DNAI7: variants seen among roughly 807,000 people sequenced by gnomAD.
DNAI7 encodes the protein dynein axonemal intermediate chain 7, also known as cancer susceptibility 1.
A neutral mutation model predicts 86.6 loss-of-function variants in DNAI7; 78 were observed. The observed-to-expected ratio is 0.90, with a 90% CI of 0.75 to 1.09. The LOEUF is 1.09. Among genes scored for constraint, DNAI7 ranks in the 50% least tolerant of loss-of-function variants. The pLI, the probability that DNAI7 is intolerant of heterozygous loss-of-function variation, is 0.00. For missense variants in DNAI7, 753 were observed against 810.2 expected (o/e 0.93, Z 0.86); for synonymous variants, 274 against 273.0 (o/e 1.00, Z -0.04).
chr12:25,107,081 T>C (rs1949213346), downstream of DNAI7: 3 of 1,264,060 alleles, frequency 2.4e-6, no homozygotes, highest in Non-Finnish European at 3.4e-6. Context: ...ATTCTACCAT[T>C]TTAGTGGAAT....
intron 9 of DNAI7, among the ~76,000 whole-genome samples, chr12:25,127,292 A>C (rs1464411413): frequency 6.6e-6 from 1 of 152,002 alleles, no homozygotes; most frequent in Non-Finnish European, 1.5e-5. Context: ...CTTTATATAT[A>C]ATAATAATAA....
chr12:25,113,312 TTG>T (rs1471085749), intron 13 of DNAI7, among the ~76,000 whole-genome samples: 2 of 148,328 alleles, frequency 1.3e-5, no homozygotes. Context: ...GTTGTTGTTG[TTG>T]TTTTTGAGAT....
chr12:25,166,413 A>G (rs1263249648), intron 2 of DNAI7, among the ~76,000 whole-genome samples: 1 of 152,010 alleles, frequency 6.6e-6, no homozygotes, highest in Non-Finnish European at 1.5e-5. Flanking sequence ...TTTCTTTACT[A>G]TTCCTTTGCA....
In DNAI7 at chr12:25,149,561, G is replaced by C. The variant is rs1945254528; in HGVS notation, c.585+67C>G. 7.0e-6 allele frequency: 8 copies of C among 1,147,822 alleles called. No homozygotes were observed. The South Asian group carries it at 1.2e-4, about 17-fold the overall frequency. The allele number at this position is 1,147,822 out of a possible 1,614,324, so 71.1% of individuals were successfully genotyped here. Reference sequence around the variant, plus strand: ...TCATTTTTCAATTTAAAAAATACTGGATTATTTTATAACATAAAATGTTAG... The same window carrying C: ...TCATTTTTCAATTTAAAAAATACTGCATTATTTTATAACATAAAATGTTAG... On this transcript the variant is annotated intron_variant, in intron 7 of 15. Transcript: ENST00000395987.
chr12:25,143,082 C>A (rs532487004), intron 9 of DNAI7, among the ~76,000 whole-genome samples: 1 of 152,172 alleles, frequency 6.6e-6, no homozygotes, highest in African/African-American at 2.4e-5. Flanking sequence ...AAGAATAAAT[C>A]ATTTCCCTCC....
At chr12:25,122,602 A>G (rs985077472) in intron 10 of DNAI7, among the ~76,000 whole-genome samples, 10 of 152,232 alleles carry the variant, frequency 6.6e-5, no homozygotes, top group African/African-American at 2.4e-4. Context: ...AAAGATGTAT[A>G]TAAATCTCAA....
intron 11 of DNAI7, among the ~76,000 whole-genome samples, chr12:25,120,341 A>AGAGAGAGAGAGAGAGAGAGAGAGG (rs1565643140): frequency 6.7e-6 from 1 of 148,810 alleles, no homozygotes; most frequent in Non-Finnish European, 1.5e-5. Flanking sequence ...AGAGAGAGAG[A>AGAGAGAGAGAGAGAGAGAGAGAGG]GGAAGGAAGG....
At chr12:25,139,031 A>G (rs1338792821) in intron 9 of DNAI7, among the ~76,000 whole-genome samples, 2 of 152,118 alleles carry the variant, frequency 1.3e-5, no homozygotes, top group African/African-American at 4.8e-5. Flanking sequence ...AGATACTACA[A>G]CTGATAGCAC....
chr12:25,169,860 A>AAG (rs1445714419), intron 2 of DNAI7, among the ~76,000 whole-genome samples: 8 of 151,792 alleles, frequency 5.3e-5, no homozygotes, highest in African/African-American at 1.9e-4. Flanking sequence ...AAAAAAAAAA[A>AAG]AAAAGAAAAA....
At chr12:25,187,901 G>A (rs1292411823) in intron 2 of DNAI7, among the ~76,000 whole-genome samples, 9 of 3,502 alleles carry the variant, frequency 2.6e-3, no homozygotes, top group African/African-American at 7.2e-3. Context: ...GTAATGCAGA[G>A]CAAAAAAAAA....
chr12:25,159,791 G>GA (rs1018136380), intron 3 of DNAI7, among the ~76,000 whole-genome samples: 4 of 151,386 alleles, frequency 2.6e-5, no homozygotes, highest in African/African-American at 7.3e-5. Context: ...AGGAGTCACC[G>GA]AAAAAAAAGG....
chr12:25,110,005 T>C, intron 15 of DNAI7, 122 bp downstream of exon 15: 1 of 612,694 alleles, frequency 1.6e-6, no homozygotes, highest in Non-Finnish European at 2.9e-6. Context: ...AAATTCCGTA[T>C]TGAATGTTAA....
chr12:25,160,203 T>C (rs558533514), intron 3 of DNAI7, among the ~76,000 whole-genome samples: 16 of 152,310 alleles, frequency 1.1e-4, no homozygotes, highest in African/African-American at 3.8e-4. Flanking sequence ...TCAGTAAATA[T>C]AAACACTTCA....
chr12:25,191,957 C>CA (rs1950564036), intron 1 of DNAI7, among the ~76,000 whole-genome samples: 1 of 152,156 alleles, frequency 6.6e-6, no homozygotes, highest in African/African-American at 2.4e-5. Flanking sequence ...AAGAGTTATA[C>CA]ATGGGAAATA....
rs377203170 is a variant in DNAI7, at chr12:25,154,308, T to A, written c.438+11A>T. Reference sequence around the variant, plus strand: ...AATAGCCAGTTTATAGGAAAATGCATAAATACCTACATTTAGCACTACTTT... The same window carrying A: ...AATAGCCAGTTTATAGGAAAATGCAAAAATACCTACATTTAGCACTACTTT... On this transcript the variant is annotated intron_variant, in intron 6 of 15. Transcript: ENST00000395987. The A allele has an allele frequency of 3.3e-5, 53 of 1,582,810 alleles. No homozygotes were observed. Among genetic ancestry groups the A allele is most frequent in the Non-Finnish European group, 4.4e-5 (51 of 1,172,210 alleles).
chr12:25,166,717 C>T (rs545821082), intron 2 of DNAI7, among the ~76,000 whole-genome samples: 9 of 152,168 alleles, frequency 5.9e-5, no homozygotes, highest in African/African-American at 9.6e-5. Context: ...ACACAAGAGC[C>T]GGGACCACAC....
At chr12:25,143,936 G>A (rs1947075435) in intron 9 of DNAI7, among the ~76,000 whole-genome samples, 1 of 152,138 alleles carries the variant, frequency 6.6e-6, no homozygotes, top group African/African-American at 2.4e-5. Flanking sequence ...AGAGAAGAGT[G>A]TAATATTTTA....
chr12:25,144,815 C>A (rs1333741341), intron 8 of DNAI7, 138 bp from the exon 9 acceptor site: 2 of 679,392 alleles, frequency 2.9e-6, no homozygotes, highest in East Asian at 2.7e-5. Context: ...GCTTTCTTTG[C>A]AGCATTTGGA....
intron 7 of DNAI7, among the ~76,000 whole-genome samples, chr12:25,148,525 C>T (rs1343649844): frequency 1.3e-5 from 2 of 152,078 alleles, no homozygotes; most frequent in East Asian, 3.9e-4. Flanking sequence ...CACTGAGGAT[C>T]CTTATTTGAA....
Sources: gnomAD v4.1 joint callset for allele counts (sites outside exome capture counted in the v4.1 genomes callset) on GRCh38, gnomAD v4.1.1 for gene constraint, MANE v1.5 for transcripts, NCBI Gene and HGNC (gene_info 2026-07-23, HGNC 2026-07-21) for gene names.